Variants in SORCS1 observed in about 807,000 individuals in gnomAD.
The protein encoded by SORCS1 is VPS10 domain-containing receptor SorCS1.
In SORCS1, 60 loss-of-function variants were observed where a neutral mutation model predicts 146.1. That is an observed-to-expected ratio of 0.41 (90% CI 0.33 to 0.51). The LOEUF (loss-of-function observed/expected upper bound fraction) is 0.51, where lower values mean the gene tolerates loss of function less well. Among genes scored for constraint, SORCS1 ranks in the 20% least tolerant of loss-of-function variants. The pLI, the probability that SORCS1 is intolerant of heterozygous loss-of-function variation, is 0.21. For missense variants in SORCS1, 1,352 were observed against 1,487.6 expected (o/e 0.91, Z 1.50); for synonymous variants, 637 against 584.0 (o/e 1.09, Z -1.31).
intron 1 of SORCS1, among the ~76,000 whole-genome samples, chr10:107,020,097 G>A (rs940591339): frequency 1.3e-5 from 2 of 152,136 alleles, no homozygotes; most frequent in Non-Finnish European, 2.9e-5. Flanking sequence ...AGTCAATTTG[G>A]GATAAGTGCT....
intron 2 of SORCS1, among the ~76,000 whole-genome samples, chr10:106,948,601 A>T (rs2138863050): frequency 6.6e-6 from 1 of 151,754 alleles, no homozygotes; most frequent in South Asian, 2.1e-4. Flanking sequence ...TTGTGGCTGC[A>T]GTGAGCTATG....
chr10:106,990,103 C>T (rs1283516305), intron 1 of SORCS1, among the ~76,000 whole-genome samples: 4 of 152,164 alleles, frequency 2.6e-5, no homozygotes, highest in Admixed American at 2.6e-4. Context: ...GAAAATACCT[C>T]TGGAGTAGTA....
chr10:107,165,981 C>G (rs998108052), upstream of SORCS1, among the ~76,000 whole-genome samples: 1 of 152,202 alleles, frequency 6.6e-6, no homozygotes. This position sits in a 1 kb window ranked among gnomAD's most constrained non-coding sequence, Gnocchi z 4.0. Context: ...GGTGAATGGG[C>G]TTTGAAAACG....
chr10:106,596,308 C>T (rs767135014), intron 24 of SORCS1, among the ~76,000 whole-genome samples: 4 of 152,212 alleles, frequency 2.6e-5, no homozygotes, highest in Non-Finnish European at 4.4e-5. Context: ...AAGATGAAGA[C>T]CACTTTGCAC....
At chr10:106,915,781 C>T (rs1461582249) in intron 2 of SORCS1, among the ~76,000 whole-genome samples, 1 of 152,190 alleles carries the variant, frequency 6.6e-6, no homozygotes, top group Admixed American at 6.5e-5. Context: ...GTATTGCCCC[C>T]TTCCAGTTTG....
At chr10:106,623,290 T>C in intron 19 of SORCS1, among the ~76,000 whole-genome samples, 1 of 150,606 alleles carries the variant, frequency 6.6e-6, no homozygotes, top group Non-Finnish European at 1.5e-5. Context: ...TCGCTCAGGC[T>C]GGAGTGCAGC....
At chr10:107,112,164 A>T (rs866815998) in intron 1 of SORCS1, among the ~76,000 whole-genome samples, 22 of 149,494 alleles carry the variant, frequency 1.5e-4, no homozygotes, top group Admixed American at 8.6e-4. Context: ...TAAAAAGCAT[A>T]AAAAAAAACT....
intron 9 of SORCS1, among the ~76,000 whole-genome samples, chr10:106,691,993 G>T (rs1347275614): frequency 1.3e-5 from 2 of 152,016 alleles, no homozygotes; most frequent in African/African-American, 4.8e-5. Context: ...CCACCAACCT[G>T]CTCTTTAAAA....
chr10:107,130,992 T>G (rs986310812), intron 1 of SORCS1, among the ~76,000 whole-genome samples: 1 of 152,156 alleles, frequency 6.6e-6, no homozygotes, highest in Non-Finnish European at 1.5e-5. Context: ...CTTTCTTCTG[T>G]CTTTACAATT....
intron 6 of SORCS1, among the ~76,000 whole-genome samples, chr10:106,713,972 A>G (rs781714049): frequency 6.6e-5 from 10 of 151,922 alleles, no homozygotes; most frequent in Non-Finnish European, 1.3e-4. Context: ...TCTCTACTAA[A>G]AACACAATAA....
intron 5 of SORCS1, among the ~76,000 whole-genome samples, chr10:106,741,773 C>T (rs141297794): frequency 6.6e-6 from 1 of 152,222 alleles, no homozygotes; most frequent in East Asian, 1.9e-4. Flanking sequence ...TTAATTTCTT[C>T]AGCTTAGACC....
At chr10:107,095,815 A>T (rs1281904399) in intron 1 of SORCS1, among the ~76,000 whole-genome samples, 1 of 152,208 alleles carries the variant, frequency 6.6e-6, no homozygotes, top group Non-Finnish European at 1.5e-5. Context: ...CCTCCCATCC[A>T]AGGAGAAACA....
chr10:106,952,376 A>T (rs1213017451), intron 2 of SORCS1, among the ~76,000 whole-genome samples: 1 of 151,908 alleles, frequency 6.6e-6, no homozygotes, highest in Non-Finnish European at 1.5e-5. Context: ...TGTGCTAGAC[A>T]ACTCAGAACC....
intron 16 of SORCS1, among the ~76,000 whole-genome samples, chr10:106,668,683 C>G (rs1295098244): frequency 6.6e-6 from 1 of 152,210 alleles, no homozygotes; most frequent in East Asian, 1.9e-4. Flanking sequence ...GCTCAGGGGC[C>G]TGTCACCAGG....
chr10:106,830,679 T>C (rs985080997), intron 2 of SORCS1, among the ~76,000 whole-genome samples: 4 of 151,658 alleles, frequency 2.6e-5, no homozygotes, highest in Middle Eastern at 3.4e-3. Flanking sequence ...GTGAATCACT[T>C]GAGGTCAGGA....
chr10:106,871,756 G>A (rs1017444471), intron 2 of SORCS1, among the ~76,000 whole-genome samples: 1 of 152,168 alleles, frequency 6.6e-6, no homozygotes, highest in Non-Finnish European at 1.5e-5. Flanking sequence ...TGGAGTGGGG[G>A]ATGAGGGAGA....
At chr10:107,124,009 C>G (rs904683822) in intron 1 of SORCS1, among the ~76,000 whole-genome samples, 1 of 151,184 alleles carries the variant, frequency 6.6e-6, no homozygotes, top group Non-Finnish European at 1.5e-5. Context: ...ATGGCATGAA[C>G]CTGGGAGGCG....
intron 9 of SORCS1, among the ~76,000 whole-genome samples, chr10:106,695,912 A>C (rs1307539314): frequency 1.3e-5 from 2 of 152,156 alleles, no homozygotes; most frequent in Admixed American, 1.3e-4. Flanking sequence ...ACATAGTTCT[A>C]GGGTAGAGAA....
intron 1 of SORCS1, among the ~76,000 whole-genome samples, chr10:107,024,296 C>A (rs1432918567): frequency 2.6e-5 from 4 of 151,880 alleles, no homozygotes; most frequent in Non-Finnish European, 5.9e-5. Context: ...TCATTCATGG[C>A]AGAAGGGTAA....
Sources: allele counts gnomAD v4.1 joint callset (sites outside exome capture counted in the v4.1 genomes callset), GRCh38; gene constraint gnomAD v4.1.1; non-coding constraint Gnocchi (gnomAD v3.1); transcripts MANE v1.5; gene names NCBI Gene and HGNC (gene_info 2026-07-23, HGNC 2026-07-21).